RBFOX1: variants seen among roughly 807,000 people sequenced by gnomAD.
RBFOX1 encodes RNA binding fox-1 homolog 1, also known as RNA binding protein fox-1 homolog 1.
In RBFOX1, 8 loss-of-function variants were observed where a neutral mutation model predicts 57.7. The ratio of observed to expected loss-of-function variants is 0.14; its 90% CI spans 0.08 to 0.25. RBFOX1 has a LOEUF of 0.25. RBFOX1 is among the 10% of genes least tolerant of loss of function. RBFOX1 has a pLI of 1.00. For synonymous variants in RBFOX1, 326 were observed against 222.4 expected (o/e 1.47, Z -4.15); for missense variants, 611 against 548.5 (o/e 1.11, Z -1.14).
At chr16:7,229,366 A>G (rs1173981529) in intron 4 of RBFOX1, among the ~76,000 whole-genome samples, 2 of 152,194 alleles carry the variant, frequency 1.3e-5, no homozygotes, top group Non-Finnish European at 2.9e-5. Context: ...AACCTTAAAG[A>G]TAATGAAGTT....
chr16:5,814,122 T>C (rs1052448485), intron 3 of RBFOX1, among the ~76,000 whole-genome samples: 2 of 152,178 alleles, frequency 1.3e-5, no homozygotes, highest in African/African-American at 2.4e-5. Flanking sequence ...TACAAGATGG[T>C]ACCTTCCCCT....
intron 2 of RBFOX1, among the ~76,000 whole-genome samples, chr16:6,631,888 T>C (rs950222780): frequency 6.6e-6 from 1 of 152,000 alleles, no homozygotes; most frequent in African/African-American, 2.4e-5. Context: ...AAGAAGGTCA[T>C]TGTAGCCAAA....
chr16:6,924,906 C>A (rs1031266850), intron 3 of RBFOX1, among the ~76,000 whole-genome samples: 1 of 138,772 alleles, frequency 7.2e-6, no homozygotes, highest in Non-Finnish European at 1.5e-5. Context: ...TCTCATTGTT[C>A]AATTCCTACC....
At chr16:5,563,231 G>C (rs928476193) in intron 2 of RBFOX1, among the ~76,000 whole-genome samples, 7 of 152,186 alleles carry the variant, frequency 4.6e-5, no homozygotes, top group Admixed American at 3.9e-4. Context: ...TTACAGGCGT[G>C]AGCCACCGCG....
chr16:5,867,380 T>A (rs1428286547), intron 4 of RBFOX1: 41 of 1,117,534 alleles, frequency 3.7e-5, no homozygotes, highest in Non-Finnish European at 2.3e-6. Context: ...TAGTTTGAAG[T>A]GGGTTTCTTT....
chr16:7,559,315 C>CTCTCTCTTTCTCACCT (rs60906077), intron 5 of RBFOX1, among the ~76,000 whole-genome samples: 8 of 151,872 alleles, frequency 5.3e-5, no homozygotes, highest in African/African-American at 7.3e-5. Flanking sequence ...CTCTTTCTCT[C>CTCTCTCTTTCTCACCT]AGTCTCTCTC....
At chr16:6,932,514 T>C (rs1483016839) in intron 3 of RBFOX1, among the ~76,000 whole-genome samples, 1 of 152,186 alleles carries the variant, frequency 6.6e-6, no homozygotes, top group Non-Finnish European at 1.5e-5. Flanking sequence ...GATTACATCC[T>C]TAGGAGGATC....
At chr16:5,357,484 C>G (rs570742071) in intron 1 of RBFOX1, among the ~76,000 whole-genome samples, 1 of 152,210 alleles carries the variant, frequency 6.6e-6, no homozygotes, top group South Asian at 2.1e-4. Flanking sequence ...GGAAGAGCCA[C>G]ACAGAGAAGA....
intron 2 of RBFOX1, among the ~76,000 whole-genome samples, chr16:5,476,332 G>A (rs144179764): frequency 2.0e-4 from 30 of 152,308 alleles, no homozygotes; most frequent in African/African-American, 6.7e-4. Flanking sequence ...AATCTGGAGT[G>A]AGACCAGACA....
chr16:7,160,827 CCCTCCTCCTTCCTCCT>C (rs1295849826), intron 4 of RBFOX1, among the ~76,000 whole-genome samples: 4 of 142,206 alleles, frequency 2.8e-5, no homozygotes, highest in South Asian at 2.4e-4. Flanking sequence ...CCTCCCTCCT[CCCTCCTCCTTCCTCCT>C]CCTCCTCCTC....
chr16:6,697,058 A>T (rs1332764459), intron 3 of RBFOX1, among the ~76,000 whole-genome samples: 2 of 152,192 alleles, frequency 1.3e-5, no homozygotes, highest in African/African-American at 4.8e-5. Context: ...GCCAATGCAA[A>T]ATTATTTATT....
At chr16:7,695,516 G>T (rs1242401259) in intron 14 of RBFOX1, among the ~76,000 whole-genome samples, 1 of 152,022 alleles carries the variant, frequency 6.6e-6, no homozygotes, top group African/African-American at 2.4e-5. Context: ...AGCCGGGTGT[G>T]GTGGCACATG....
intron 3 of RBFOX1, among the ~76,000 whole-genome samples, chr16:6,769,193 A>G (rs55740852): frequency 0.019 from 2,870 of 152,224 alleles, 92 homozygotes; most frequent in African/African-American, 0.065. Flanking sequence ...AAGCCTCATG[A>G]GATCCGATGG....
chr16:7,026,552 A>G (rs1027834092), intron 3 of RBFOX1, among the ~76,000 whole-genome samples: 2 of 151,900 alleles, frequency 1.3e-5, no homozygotes, highest in African/African-American at 4.8e-5. Context: ...CAGCTGCTTC[A>G]TACGGCTTCT....
intron 1 of RBFOX1, among the ~76,000 whole-genome samples, chr16:5,353,478 G>T (rs892057371): frequency 1.9e-4 from 29 of 152,056 alleles, no homozygotes; most frequent in Admixed American, 1.6e-3. Context: ...TTTTTAAACA[G>T]TCCAGTTCAG....
At chr16:6,320,464 A>G (rs1367778786) in intron 2 of RBFOX1, among the ~76,000 whole-genome samples, 1 of 152,118 alleles carries the variant, frequency 6.6e-6, no homozygotes, top group African/African-American at 2.4e-5. Context: ...GTAACCAAAA[A>G]CCACCTGTAC....
intron 2 of RBFOX1, among the ~76,000 whole-genome samples, chr16:6,420,931 A>G (rs552450560): frequency 6.6e-6 from 1 of 152,332 alleles, no homozygotes; most frequent in South Asian, 2.1e-4. Context: ...ACTTACTGTA[A>G]GCCTGAAAGT....
intron 3 of RBFOX1, among the ~76,000 whole-genome samples, chr16:7,001,319 T>C (rs555366404): frequency 1.8e-4 from 27 of 152,220 alleles, no homozygotes; most frequent in East Asian, 3.9e-4. Flanking sequence ...GGTCAACTTA[T>C]GTATTTCCTA....
At chr16:6,164,433 G>A (rs1410501125) in intron 1 of RBFOX1, among the ~76,000 whole-genome samples, 1 of 149,482 alleles carries the variant, frequency 6.7e-6, no homozygotes, top group African/African-American at 2.5e-5. Flanking sequence ...TAGAAGTGAT[G>A]TTTTCCACAG....
Sources: allele counts gnomAD v4.1 joint callset (sites outside exome capture counted in the v4.1 genomes callset), GRCh38; gene constraint gnomAD v4.1.1; transcripts MANE v1.5; gene names NCBI Gene and HGNC (gene_info 2026-07-23, HGNC 2026-07-21).